The following GABRA2 variants were observed in gnomAD, a reference collection of about 807,000 sequenced individuals.
GABRA2 encodes gamma-aminobutyric acid type A receptor subunit alpha2.
A neutral mutation model predicts 48.7 loss-of-function variants in GABRA2; 16 were observed. The ratio of observed to expected loss-of-function variants is 0.33; its 90% CI spans 0.22 to 0.50. The LOEUF is 0.50. Among genes scored for constraint, GABRA2 ranks in the 20% least tolerant of loss-of-function variants. GABRA2 has a pLI of 0.98. For synonymous variants in GABRA2, 185 were observed against 184.5 expected (o/e 1.00, Z -0.02); for missense variants, 275 against 535.6 (o/e 0.51, Z 4.80).
At chr4:46,367,320 A>G (rs1714193271) in intron 3 of GABRA2, 1 of 152,148 alleles carries the variant, frequency 6.6e-6, no homozygotes, top group Admixed American at 6.6e-5. Context: ...TGCATATATG[A>G]GTGTTGGATT....
chr4:46,310,402 T>C (rs1463113414), intron 5 of GABRA2, 147 bp from the exon 6 acceptor site: 4 of 519,322 alleles, frequency 7.7e-6, no homozygotes, highest in African/African-American at 3.8e-5. Flanking sequence ...TGTTCATTCA[T>C]GTTTAGGTGA....
At chr4:46,380,653 G>A (rs540087997) in intron 3 of GABRA2, among the ~76,000 whole-genome samples, 1 of 152,286 alleles carries the variant, frequency 6.6e-6, no homozygotes, top group South Asian at 2.1e-4. Flanking sequence ...TGTGCTGAAA[G>A]TCATATAGTT....
chr4:46,274,697 C>T (rs1720141907), intron 8 of GABRA2, among the ~76,000 whole-genome samples: 1 of 152,062 alleles, frequency 6.6e-6, no homozygotes, highest in African/African-American at 2.4e-5. Flanking sequence ...GTTAAATTCT[C>T]CCCTCTCTAC....
intron 8 of GABRA2, among the ~76,000 whole-genome samples, chr4:46,266,356 T>C (rs1328980364): frequency 2.7e-5 from 4 of 148,382 alleles, no homozygotes; most frequent in Non-Finnish European, 6.0e-5. Flanking sequence ...TAAATATAAA[T>C]ATAAAATAAA....
intron 3 of GABRA2, among the ~76,000 whole-genome samples, chr4:46,358,330 A>G (rs1321755059): frequency 6.6e-6 from 1 of 152,110 alleles, no homozygotes; most frequent in African/African-American, 2.4e-5. Context: ...TCCTTAGAGG[A>G]TACTGTTATT....
chr4:46,351,148 C>A (rs1055329619), intron 3 of GABRA2, among the ~76,000 whole-genome samples: 1 of 151,666 alleles, frequency 6.6e-6, no homozygotes, highest in African/African-American at 2.4e-5. Flanking sequence ...GGGCTATTAA[C>A]CATAGTGAAT....
chr4:46,319,942 G>A (rs1465275939), intron 4 of GABRA2, among the ~76,000 whole-genome samples: 1 of 151,372 alleles, frequency 6.6e-6, no homozygotes, highest in Non-Finnish European at 1.5e-5. Flanking sequence ...TTCACAAGTG[G>A]AAAATACTTC....
At chr4:46,277,184 G>A (rs1451122363) in intron 8 of GABRA2, among the ~76,000 whole-genome samples, 1 of 152,090 alleles carries the variant, frequency 6.6e-6, no homozygotes, top group African/African-American at 2.4e-5. Flanking sequence ...CTCTAGACTA[G>A]AATAATCAAG....
At chr4:46,297,854 T>G (rs1725036186) in intron 8 of GABRA2, among the ~76,000 whole-genome samples, 3 of 152,194 alleles carry the variant, frequency 2.0e-5, no homozygotes, top group Admixed American at 1.3e-4. Flanking sequence ...CCATATTTTT[T>G]AATGTAGGCA....
chr4:46,289,496 G>A (rs951136423), intron 8 of GABRA2, among the ~76,000 whole-genome samples: 1 of 152,158 alleles, frequency 6.6e-6, no homozygotes, highest in African/African-American at 2.4e-5. Flanking sequence ...GTAGCTAAAT[G>A]ATGAGGACAC....
At chr4:46,285,716 C>T (rs1722427081) in intron 8 of GABRA2, among the ~76,000 whole-genome samples, 2 of 151,908 alleles carry the variant, frequency 1.3e-5, no homozygotes, top group Non-Finnish European at 2.9e-5. Flanking sequence ...TATAACTATT[C>T]CCTGAAACTA....
Position 46,244,849 on chromosome 4 carries a change from C to T in GABRA2, c.*5459G>A, listed in dbSNP as rs1040329004. Among the ~76,000 whole-genome samples the T allele has an allele frequency of 2.6e-4, 40 of 151,204 alleles. 1 individual carries two copies. Among genetic ancestry groups the T allele is most frequent in the African/African-American group, 9.4e-4 (39 of 41,340 alleles). ...TAGTAAATAGCTAGCATCACAAAAA[C>T]GGGTATTGCTTACTGTACAGTACAG... On this transcript the variant is annotated 3_prime_UTR_variant, in exon 10 of 10. Transcript: ENST00000381620.
At chr4:46,335,186 G>A (rs1214726027) in intron 3 of GABRA2, among the ~76,000 whole-genome samples, 2 of 152,040 alleles carry the variant, frequency 1.3e-5, no homozygotes, top group Non-Finnish European at 2.9e-5. Flanking sequence ...GGGAAGGAAG[G>A]CTAGGGAGAT....
chr4:46,261,544 T>C lies in GABRA2; in HGVS notation c.1059+382A>G, dbSNP rs112803663. ...TCAGACAGGTAGATCGGAGTTCAAG[T>C]ATACTTACTAACAAGTTGTGTAAGC... On this transcript the variant is annotated intron_variant, in intron 9 of 9. Coordinates refer to ENST00000381620, the MANE Select transcript of GABRA2 (RefSeq NM_000807.4). 814 of 289,992 alleles carry C rather than the reference T, an allele frequency of 2.8e-3. 8 individuals are homozygous for C. The highest frequency in any genetic ancestry group is 0.015 in the African/African-American group (723 of 47,380). The allele number at this position is 289,992 out of a possible 1,614,324, so 18.0% of individuals were successfully genotyped here.
At chr4:46,322,966 C>G (rs1187832862) in intron 4 of GABRA2, among the ~76,000 whole-genome samples, 1 of 151,536 alleles carries the variant, frequency 6.6e-6, no homozygotes, top group Non-Finnish European at 1.5e-5. Context: ...CACCAATATA[C>G]TTTATAGTTA....
chr4:46,275,576 A>T (rs938381389), intron 8 of GABRA2, among the ~76,000 whole-genome samples: 2 of 152,176 alleles, frequency 1.3e-5, no homozygotes, highest in Non-Finnish European at 2.9e-5. Flanking sequence ...ATGAGTTTAA[A>T]ATAACATATT....
intron 8 of GABRA2, among the ~76,000 whole-genome samples, chr4:46,289,208 T>C (rs969535127): frequency 2.0e-5 from 3 of 152,234 alleles, no homozygotes; most frequent in Admixed American, 6.5e-5. Context: ...ACTGGGTATA[T>C]ACCCAAAGGA....
At chr4:46,276,683 T>C (rs1720578286) in intron 8 of GABRA2, among the ~76,000 whole-genome samples, 1 of 151,934 alleles carries the variant, frequency 6.6e-6, no homozygotes, top group Admixed American at 6.6e-5. Flanking sequence ...GGAGATCTAA[T>C]GTCAAATTTT....
chr4:46,345,105 G>A (rs1395323854), intron 3 of GABRA2, among the ~76,000 whole-genome samples: 1 of 151,696 alleles, frequency 6.6e-6, no homozygotes, highest in Non-Finnish European at 1.5e-5. Context: ...AGATCCAATG[G>A]TTTTATAAGG....
Sources: allele counts gnomAD v4.1 joint callset (sites outside exome capture counted in the v4.1 genomes callset), GRCh38; gene constraint gnomAD v4.1.1; transcripts MANE v1.5; gene names NCBI Gene and HGNC (gene_info 2026-07-23, HGNC 2026-07-21).